Variants in CADM1 observed in about 807,000 individuals in gnomAD.
The protein encoded by CADM1 is cell adhesion molecule 1.
A neutral mutation model predicts 53.1 loss-of-function variants in CADM1; 15 were observed. That is an observed-to-expected ratio of 0.28 (90% CI 0.19 to 0.44). The LOEUF (loss-of-function observed/expected upper bound fraction) is 0.44. Among genes scored for constraint, CADM1 ranks in the 20% least tolerant of loss-of-function variants. The pLI is 1.00. For synonymous variants in CADM1, 281 were observed against 243.0 expected, an observed-to-expected ratio of 1.16 and a Z score of -1.45; for missense variants, 434 against 611.3, an observed-to-expected ratio of 0.71 and a Z score of 3.06.
At chr11:115,293,555 T>G (rs1355337254) in intron 1 of CADM1, among the ~76,000 whole-genome samples, 1 of 152,226 alleles carries the variant, frequency 6.6e-6, no homozygotes, top group Non-Finnish European at 1.5e-5. Context: ...ACCCAACTTG[T>G]AATTAAAGTT....
intron 1 of CADM1, among the ~76,000 whole-genome samples, chr11:115,281,443 CG>C (rs1414072495): frequency 6.6e-6 from 1 of 152,118 alleles, no homozygotes; most frequent in Non-Finnish European, 1.5e-5. Flanking sequence ...ATTTTTAAAA[CG>C]GGGGCAAAGC....
intron 1 of CADM1, among the ~76,000 whole-genome samples, chr11:115,277,808 G>A (rs1943484186): frequency 1.3e-5 from 2 of 152,162 alleles, no homozygotes; most frequent in South Asian, 4.1e-4. Flanking sequence ...TTAGGATCTA[G>A]CTGTACAGAC....
intron 1 of CADM1, among the ~76,000 whole-genome samples, chr11:115,313,201 G>C (rs545539849): frequency 6.6e-6 from 1 of 152,132 alleles, no homozygotes; most frequent in Non-Finnish European, 1.5e-5. Context: ...TTCCTATACA[G>C]TGAATGACTA....
intron 1 of CADM1, among the ~76,000 whole-genome samples, chr11:115,254,549 A>C (rs1489438668): frequency 1.5e-5 from 2 of 134,896 alleles, no homozygotes; most frequent in African/African-American, 5.5e-5. Context: ...AAGGGAGACA[A>C]ACACACACAC....
At chr11:115,258,089 G>C (rs975797203) in intron 1 of CADM1, among the ~76,000 whole-genome samples, 2 of 152,212 alleles carry the variant, frequency 1.3e-5, no homozygotes, top group Non-Finnish European at 2.9e-5. Flanking sequence ...AGACTAACCG[G>C]ATAAACTTGG....
intron 1 of CADM1, among the ~76,000 whole-genome samples, chr11:115,387,676 T>C (rs1399892024): frequency 6.6e-6 from 1 of 152,128 alleles, no homozygotes; most frequent in African/African-American, 2.4e-5. Flanking sequence ...TGTGGAAGAA[T>C]AATACATTAT....
chr11:115,469,031 C>T (rs1948953963), intron 1 of CADM1, among the ~76,000 whole-genome samples: 1 of 152,136 alleles, frequency 6.6e-6, no homozygotes, highest in Non-Finnish European at 1.5e-5. Context: ...AATTACCTCC[C>T]ACCGGGTCCC....
Position 115,502,620 on chromosome 11 carries a change from G to A in CADM1, c.124+1651C>T, listed in dbSNP as rs1446871236. On this transcript the variant is annotated intron_variant, in intron 1 of 11. Transcript: ENST00000331581. The stretch of plus-strand genomic sequence containing the variant: ...AACACATAAACAACATCCGGAGACA[G>A]TGGCATGGAGGAAAAAAACCCTCAG... 3.9e-5 allele frequency among the ~76,000 whole-genome samples: 6 copies of A among 152,044 alleles called. No homozygotes were observed. In the East Asian group the frequency reaches 9.7e-4, roughly 24 times the overall value.
At chr11:115,230,001 C>G (rs1406600932) in intron 4 of CADM1, among the ~76,000 whole-genome samples, 1 of 152,128 alleles carries the variant, frequency 6.6e-6, no homozygotes, top group Non-Finnish European at 1.5e-5. Context: ...AAGGCAGTCC[C>G]TTCCTGAACT....
intron 1 of CADM1, among the ~76,000 whole-genome samples, chr11:115,365,606 A>G (rs1444210218): frequency 6.6e-6 from 1 of 152,118 alleles, no homozygotes; most frequent in Non-Finnish European, 1.5e-5. Context: ...AGTAGAAGGT[A>G]TGTATTTATA....
intron 8 of CADM1, among the ~76,000 whole-genome samples, chr11:115,201,193 G>A (rs572334590): frequency 6.6e-6 from 1 of 152,172 alleles, no homozygotes; most frequent in Non-Finnish European, 1.5e-5. Context: ...AAAACCCGGA[G>A]CAGCAACGGG....
At chr11:115,247,867 G>A (rs545010415) in intron 1 of CADM1, among the ~76,000 whole-genome samples, 60 of 152,230 alleles carry the variant, frequency 3.9e-4, no homozygotes, top group African/African-American at 1.4e-3. Context: ...TGACAATTCC[G>A]CCCTCAACTT....
At chr11:115,420,210 T>C (rs1454491728) in intron 1 of CADM1, among the ~76,000 whole-genome samples, 2 of 152,066 alleles carry the variant, frequency 1.3e-5, no homozygotes, top group South Asian at 2.1e-4. Context: ...TTTAGAACAA[T>C]GTGTATAGTG....
chr11:115,274,055 C>T (rs1442955228), intron 1 of CADM1, among the ~76,000 whole-genome samples: 1 of 152,218 alleles, frequency 6.6e-6, no homozygotes, highest in Non-Finnish European at 1.5e-5. Flanking sequence ...CGATGCTTTT[C>T]AACATTGACA....
chr11:115,402,316 A>T (rs1947178799), intron 1 of CADM1, among the ~76,000 whole-genome samples: 1 of 152,176 alleles, frequency 6.6e-6, no homozygotes, highest in Admixed American at 6.5e-5. Context: ...TGAGGTCTGG[A>T]GGTCGAGACC....
At chr11:115,483,016 T>C (rs962121056) in intron 1 of CADM1, among the ~76,000 whole-genome samples, 3 of 152,226 alleles carry the variant, frequency 2.0e-5, no homozygotes, top group East Asian at 1.9e-4. Flanking sequence ...TCTCCTTCTC[T>C]ATCATCTTTA....
At chr11:115,420,605 T>C (rs540871956) in intron 1 of CADM1, among the ~76,000 whole-genome samples, 5 of 152,300 alleles carry the variant, frequency 3.3e-5, no homozygotes, top group Admixed American at 2.0e-4. Context: ...TGTACCCAGA[T>C]GGACAGGTCT....
At chr11:115,462,377 C>G (rs544636278) in intron 1 of CADM1, among the ~76,000 whole-genome samples, 1 of 152,266 alleles carries the variant, frequency 6.6e-6, no homozygotes, top group Non-Finnish European at 1.5e-5. Flanking sequence ...ACATACAGGG[C>G]TAAATGTGAG....
chr11:115,322,272 G>A (rs1944843015), intron 1 of CADM1, among the ~76,000 whole-genome samples: 1 of 152,126 alleles, frequency 6.6e-6, no homozygotes, highest in Non-Finnish European at 1.5e-5. Flanking sequence ...TTTATCAAAG[G>A]CTTACATATG....
Sources: gnomAD v4.1 joint callset for allele counts (sites outside exome capture counted in the v4.1 genomes callset) on GRCh38, gnomAD v4.1.1 for gene constraint, MANE v1.5 for transcripts, NCBI Gene and HGNC (gene_info 2026-07-23, HGNC 2026-07-21) for gene names.